Variants in MARCHF1 observed in about 807,000 individuals in gnomAD.
MARCHF1 encodes E3 ubiquitin-protein ligase MARCHF1.
A neutral mutation model predicts 54.2 loss-of-function variants in MARCHF1; 40 were observed. That is an observed-to-expected ratio of 0.74 (90% CI 0.57 to 0.96). The LOEUF is 0.96. Ranked by LOEUF, MARCHF1 falls within the 40% of genes least tolerant of loss-of-function variation. The pLI, the probability that MARCHF1 is intolerant of heterozygous loss-of-function variation, is 0.00. For missense variants in MARCHF1, 586 were observed against 656.5 expected (o/e 0.89, Z 1.17); for synonymous variants, 236 against 236.3 (o/e 1.00, Z 0.01).
intron 3 of MARCHF1, among the ~76,000 whole-genome samples, chr4:163,939,084 T>C (rs1751857951): frequency 6.6e-6 from 1 of 152,174 alleles, no homozygotes. Flanking sequence ...CTGATCATAT[T>C]TGCTAGTAGG....
At chr4:164,350,661 C>T (rs1222826163) in intron 1 of MARCHF1, among the ~76,000 whole-genome samples, 2 of 152,152 alleles carry the variant, frequency 1.3e-5, no homozygotes, top group African/African-American at 4.8e-5. Context: ...AAAGAAAAAA[C>T]AATGTGTGCC....
chr4:164,211,369 T>C (rs1731769980), intron 1 of MARCHF1, among the ~76,000 whole-genome samples: 1 of 146,704 alleles, frequency 6.8e-6, no homozygotes. Flanking sequence ...CATTGCAACC[T>C]GCATATTTGT....
At chr4:164,341,686 G>A (rs980266211) in intron 1 of MARCHF1, among the ~76,000 whole-genome samples, 1 of 152,136 alleles carries the variant, frequency 6.6e-6, no homozygotes, top group Non-Finnish European at 1.5e-5. Flanking sequence ...TCTTTAATAA[G>A]GGTACTAATG....
intron 4 of MARCHF1, among the ~76,000 whole-genome samples, chr4:163,720,054 G>A (rs1458425431): frequency 1.3e-5 from 2 of 152,082 alleles, no homozygotes; most frequent in Non-Finnish European, 2.9e-5. Context: ...TGTCAATTTT[G>A]GCTTTTGTTG....
intron 2 of MARCHF1, among the ~76,000 whole-genome samples, chr4:164,034,810 T>G (rs1435453564): frequency 6.6e-6 from 1 of 152,216 alleles, no homozygotes; most frequent in Non-Finnish European, 1.5e-5. Context: ...TAACACTTTT[T>G]ACTTCTCTAA....
intron 2 of MARCHF1, among the ~76,000 whole-genome samples, chr4:164,023,093 G>A (rs781335970): frequency 7.9e-5 from 12 of 152,180 alleles, no homozygotes; most frequent in African/African-American, 1.2e-4. Context: ...AAAAGGCCCC[G>A]CTCTCAGAGC....
chr4:164,247,624 T>A, intron 1 of MARCHF1, among the ~76,000 whole-genome samples: 1 of 44,988 alleles, frequency 2.2e-5, no homozygotes. Context: ...AAAAAAAAAG[T>A]TAAAAGAAAA....
At chr4:163,669,538 T>C (rs1743655652) in intron 5 of MARCHF1, among the ~76,000 whole-genome samples, 1 of 151,936 alleles carries the variant, frequency 6.6e-6, no homozygotes, top group South Asian at 2.1e-4. Flanking sequence ...AATTGGTAAA[T>C]ACCTCTAGGG....
intron 4 of MARCHF1, among the ~76,000 whole-genome samples, chr4:163,852,348 G>C (rs1193926117): frequency 6.6e-6 from 1 of 152,144 alleles, no homozygotes; most frequent in Non-Finnish European, 1.5e-5. Flanking sequence ...TATGGTTTTT[G>C]ATCTGCGATT....
chr4:164,093,979 G>A (rs1263941823), intron 2 of MARCHF1, among the ~76,000 whole-genome samples: 3 of 152,010 alleles, frequency 2.0e-5, no homozygotes, highest in African/African-American at 7.2e-5. Flanking sequence ...GAAATAACTA[G>A]TGTTATTTTT....
chr4:163,617,708 C>G (rs890505645), intron 5 of MARCHF1, among the ~76,000 whole-genome samples: 2 of 152,002 alleles, frequency 1.3e-5, no homozygotes, highest in Middle Eastern at 3.2e-3. Context: ...ATAAAGAACT[C>G]TCTATATAGC....
At chr4:163,582,411 T>C (rs1452985641) in intron 8 of MARCHF1, among the ~76,000 whole-genome samples, 3 of 152,208 alleles carry the variant, frequency 2.0e-5, no homozygotes, top group Non-Finnish European at 4.4e-5. Flanking sequence ...TTGATGAATT[T>C]ACTAACTAGA....
rs531972500 is a variant in MARCHF1, at chr4:164,255,036, C to T, written c.-323+128834G>A. Among the ~76,000 whole-genome samples, 6 of 152,160 alleles carry T rather than the reference C, an allele frequency of 3.9e-5. No homozygotes were observed. In the South Asian group the frequency reaches 1.0e-3, roughly 26 times the overall value. ...GTGGGATTACAGGCGTGAGCCCCCA[C>T]GCCCAGCCATGAATGTTATAGAACT... On this transcript the variant is annotated intron_variant, in intron 1 of 9. Coordinates refer to ENST00000514618, the MANE Select transcript of MARCHF1 (RefSeq NM_001394959.1).
At chr4:163,886,300 TAGAC>T (rs1365124751) in intron 3 of MARCHF1, among the ~76,000 whole-genome samples, 6 of 127,994 alleles carry the variant, frequency 4.7e-5, no homozygotes, top group Admixed American at 8.4e-5. Flanking sequence ...TATCTCTTAA[TAGAC>T]ATAGATAGAT....
At chr4:163,747,330 A>G (rs934034755) in intron 4 of MARCHF1, among the ~76,000 whole-genome samples, 4 of 152,230 alleles carry the variant, frequency 2.6e-5, no homozygotes, top group African/African-American at 9.6e-5. Flanking sequence ...GACCCGAGGT[A>G]CTGGCAGAAA....
chr4:164,307,913 T>C (rs1432124417), intron 1 of MARCHF1, among the ~76,000 whole-genome samples: 1 of 152,206 alleles, frequency 6.6e-6, no homozygotes, highest in Non-Finnish European at 1.5e-5. Flanking sequence ...TGTTCAAAAC[T>C]GTGGTGCTGT....
chr4:164,150,929 T>C (rs539092494), intron 1 of MARCHF1, among the ~76,000 whole-genome samples: 2 of 152,256 alleles, frequency 1.3e-5, no homozygotes, highest in African/African-American at 4.8e-5. Context: ...ACAAGTGTCC[T>C]TGAATGGGAA....
chr4:164,083,898 T>C (rs1477951747), intron 2 of MARCHF1, among the ~76,000 whole-genome samples: 1 of 152,134 alleles, frequency 6.6e-6, no homozygotes. Flanking sequence ...ATGTACTTCT[T>C]ATTTTCATTA....
At chr4:164,158,050 T>C (rs1730124643) in intron 1 of MARCHF1, among the ~76,000 whole-genome samples, 1 of 152,176 alleles carries the variant, frequency 6.6e-6, no homozygotes, top group African/African-American at 2.4e-5. Context: ...CTAAATTCAT[T>C]AGCAGCACAC....
Sources: allele counts gnomAD v4.1 joint callset (sites outside exome capture counted in the v4.1 genomes callset), GRCh38; gene constraint gnomAD v4.1.1; transcripts MANE v1.5; gene names NCBI Gene and HGNC (gene_info 2026-07-23, HGNC 2026-07-21).